The following ALG9 variants were observed in gnomAD, a reference collection of about 807,000 sequenced individuals.
The protein encoded by ALG9 is ALG9 alpha-1,2-mannosyltransferase.
In ALG9, 55 loss-of-function variants were observed where a neutral mutation model predicts 81.8. The ratio of observed to expected loss-of-function variants is 0.67; its 90% CI spans 0.54 to 0.84. The LOEUF (loss-of-function observed/expected upper bound fraction) is 0.84, where lower values mean the gene tolerates loss of function less well. ALG9 is among the 40% of genes least tolerant of loss of function. ALG9 has a pLI of 0.00. For missense variants in ALG9, 629 were observed against 745.0 expected (o/e 0.84, Z 1.81); for synonymous variants, 278 against 274.3 (o/e 1.01, Z -0.13).
In ALG9 at chr11:111,850,706, C is replaced by A. The variant is rs1206185876; in HGVS notation, c.895+2674G>T. On this transcript the variant is annotated intron_variant, in intron 8 of 14. Transcript: ENST00000616540. ...CGGGTGACAGAGCGAGATACTGTCT[C>A]AAAAAAAAAAAAAAAAAATCAGACA... Among the ~76,000 whole-genome samples the A allele has an allele frequency of 2.0e-3, 135 of 66,632 alleles. 1 individual carries two copies. The highest frequency in any genetic ancestry group is 2.2e-3 in the Non-Finnish European group (92 of 40,946). 43.7% of individuals were successfully genotyped at this position (66,632 alleles called of 152,430 possible). A position where few individuals can be genotyped will look rare whatever the true frequency, so the allele number is the denominator to read the frequency against.
downstream of ALG9, among the ~76,000 whole-genome samples, chr11:111,779,154 G>C (rs575940724): frequency 2.6e-5 from 4 of 151,988 alleles, no homozygotes; most frequent in African/African-American, 4.8e-5. Flanking sequence ...ATTCTGTCTC[G>C]TGTAGCTCCA....
chr11:111,776,323 T>A, the ALG9 span, among the ~76,000 whole-genome samples: 1 of 152,068 alleles, frequency 6.6e-6, no homozygotes, highest in Non-Finnish European at 1.5e-5. Context: ...GACATAGTGG[T>A]TCACGCCTAT....
chr11:111,829,161 C>T (rs1953894938), intron 13 of ALG9: 1 of 152,144 alleles, frequency 6.6e-6, no homozygotes, highest in African/African-American at 2.4e-5. Flanking sequence ...AATCAAAAGA[C>T]TGGATTTAAA....
chr11:111,810,260 T>C (rs1555089978), intron 13 of ALG9, among the ~76,000 whole-genome samples: 2 of 152,094 alleles, frequency 1.3e-5, no homozygotes, highest in Admixed American at 6.6e-5. Flanking sequence ...CCTTCAAATA[T>C]TCAATAGAAT....
the ALG9 span, among the ~76,000 whole-genome samples, chr11:111,772,992 A>G: frequency 1.3e-5 from 2 of 151,738 alleles, no homozygotes; most frequent in South Asian, 4.2e-4. Context: ...TAATCTCAGC[A>G]CTCTGGGAGG....
chr11:111,809,835 C>G, intron 13 of ALG9, 62 bp from the exon 14 acceptor site: 1 of 1,584,938 alleles, frequency 6.3e-7, no homozygotes, highest in Non-Finnish European at 8.7e-7. Flanking sequence ...GGGTAGAGAA[C>G]AGCAATTGCA....
chr11:111,823,724 G>A (rs1952797726), intron 13 of ALG9, among the ~76,000 whole-genome samples: 1 of 152,160 alleles, frequency 6.6e-6, no homozygotes, highest in Non-Finnish European at 1.5e-5. Flanking sequence ...TATCTACAGA[G>A]CCTAGATCAC....
At chr11:111,782,028 A>G (rs1945978039), downstream of ALG9, among the ~76,000 whole-genome samples, 1 of 152,210 alleles carries the variant, frequency 6.6e-6, no homozygotes, top group Admixed American at 6.5e-5. Context: ...GTCTTCTTCT[A>G]AAGTTTTCAG....
At chr11:111,790,284 G>A (rs368335955) in intron 14 of ALG9, among the ~76,000 whole-genome samples, 1 of 151,952 alleles carries the variant, frequency 6.6e-6, no homozygotes, top group East Asian at 1.9e-4. Flanking sequence ...CCAAGATTGC[G>A]CCACTGCACT....
chr11:111,797,221 G>T lies in ALG9; in HGVS notation c.1734-10701C>A, dbSNP rs1948428605. 2.0e-5 allele frequency among the ~76,000 whole-genome samples: 3 copies of T among 152,340 alleles called. No individual in the cohort carries two copies. In the South Asian group the frequency reaches 6.2e-4, roughly 32 times the overall value. ...CTGGCTTGCTGCCAACAAACAGAAT[G>T]AGGAGGAAGTGATACTGTGTGACTT... On this transcript the variant is annotated intron_variant, in intron 14 of 14. Coordinates refer to ENST00000616540, the MANE Select transcript of ALG9 (RefSeq NM_024740.2).
chr11:111,861,430 G>GT (rs1434667716), intron 4 of ALG9, among the ~76,000 whole-genome samples: 4 of 151,928 alleles, frequency 2.6e-5, no homozygotes, highest in Non-Finnish European at 5.9e-5. Flanking sequence ...GATAAATTCC[G>GT]TTTTTTTGGT....
rs116882663 is a variant in ALG9 at position 111,800,766 on chromosome 11, G to T, written c.1733+8877C>A. On this transcript the variant is annotated intron_variant, in intron 14 of 14. Transcript: ENST00000616540. ...TAAGGTCCAAGAGGACAGCGACCTG[G>T]TATGTACTGTTATTTATCCCTGTCT... 8.3e-3 allele frequency among the ~76,000 whole-genome samples: 1,257 copies of T among 152,222 alleles called. 6 individuals carry two copies. The highest frequency in any genetic ancestry group is 0.051 in the Middle Eastern group (15 of 294).
At chr11:111,788,525 C>CTTGAGCCCAGGAGT (rs1946829450) in intron 14 of ALG9, 1 of 447,154 alleles carries the variant, frequency 2.2e-6, no homozygotes, top group African/African-American at 2.0e-5. Flanking sequence ...GGGAGGATTG[C>CTTGAGCCCAGGAGT]TTGAGCCCAG....
At chr11:111,801,836 T>G (rs1246746155) in intron 14 of ALG9, among the ~76,000 whole-genome samples, 5 of 152,198 alleles carry the variant, frequency 3.3e-5, no homozygotes, top group African/African-American at 1.2e-4. Flanking sequence ...AGATCTGCTG[T>G]CCCCTCAGAG....
In ALG9 at chr11:111,853,457, T is replaced by G; in HGVS notation, c.818A>C (p.Tyr273Ser). 6.2e-7 allele frequency: 1 copy of G among 1,614,034 alleles called. No individual in the cohort carries two copies. The change falls in exon 8 of 15, where the codon TAT (tyrosine) becomes TCT (serine). Residue 273 changes from tyrosine to serine, a missense_variant. Around this residue, in one of 3 missense-constraint regions of ALG9, gnomAD observed 344 missense variants for 390.5 expected, o/e 0.88. Transcript: ENST00000616540. The stretch of plus-strand genomic sequence containing the variant: ...TGGTGCAATCACCAACTTCCCATAA[T>G]AGTAGCTGTCAATGACCACCACAGG... ...LVPVVVIDSY[Y>S]YGKLVIAPLN...
At chr11:111,807,437 T>C (rs1555086245) in intron 14 of ALG9, among the ~76,000 whole-genome samples, 2 of 152,190 alleles carry the variant, frequency 1.3e-5, no homozygotes, top group African/African-American at 2.4e-5. Context: ...CATCTTTTCA[T>C]TGAGGCCGAC....
At chr11:111,823,667 A>G (rs1952784122) in intron 13 of ALG9, among the ~76,000 whole-genome samples, 1 of 152,228 alleles carries the variant, frequency 6.6e-6, no homozygotes, top group Non-Finnish European at 1.5e-5. Flanking sequence ...CATCTCTAAG[A>G]GCTTTAGCAA....
At chr11:111,793,760 C>CAAAAAA (rs35166603) in intron 14 of ALG9, among the ~76,000 whole-genome samples, 2 of 53,898 alleles carry the variant, frequency 3.7e-5, no homozygotes, top group African/African-American at 5.6e-5. Context: ...GAGTCCAGCT[C>CAAAAAA]AAAAAAAAAA....
chr11:111,786,319 G>C lies in ALG9; in HGVS notation c.*78C>G. The C allele has an allele frequency of 6.3e-7, 1 of 1,595,346 alleles. No individual in the cohort carries two copies. The highest frequency in any genetic ancestry group is 8.6e-7 in the Non-Finnish European group (1 of 1,165,040). ...AAGACCTTTATTACAAATGTTACAGGCGATGACTTGCAGGGAGTCAGGTCA... is the reference window on the plus strand; with the variant it reads ...AAGACCTTTATTACAAATGTTACAGCCGATGACTTGCAGGGAGTCAGGTCA... On this transcript the variant is annotated 3_prime_UTR_variant, in exon 15 of 15. Transcript: ENST00000616540.
Sources: gnomAD v4.1 joint callset for allele counts (sites outside exome capture counted in the v4.1 genomes callset) on GRCh38, gnomAD v4.1.1 for gene constraint, gnomAD v4.1.1 regional missense constraint, MANE v1.5 for transcripts, NCBI Gene and HGNC (gene_info 2026-07-23, HGNC 2026-07-21) for gene names.